The following RAB28 variants were observed in gnomAD, a reference collection of about 807,000 sequenced individuals.
The protein encoded by RAB28 is RAB28, member RAS oncogene family.
A neutral mutation model predicts 31.7 loss-of-function variants in RAB28; 24 were observed. That is an observed-to-expected ratio of 0.76 (90% CI 0.55 to 1.06). The LOEUF (loss-of-function observed/expected upper bound fraction) is 1.06. Ranked by LOEUF, RAB28 falls within the 50% of genes least tolerant of loss-of-function variation. The pLI is 0.00. For synonymous variants in RAB28, 100 were observed against 90.4 expected (o/e 1.11, Z -0.60); for missense variants, 254 against 258.5 (o/e 0.98, Z 0.12).
At chr4:13,475,423 T>C (rs1259377001) in intron 2 of RAB28, among the ~76,000 whole-genome samples, 10 of 151,038 alleles carry the variant, frequency 6.6e-5, no homozygotes, top group Admixed American at 2.6e-4. Context: ...AACTGAAAAA[T>C]GATCTCATTT....
At chr4:13,449,589 T>C (rs1184383458) in intron 4 of RAB28, among the ~76,000 whole-genome samples, 1 of 151,968 alleles carries the variant, frequency 6.6e-6, no homozygotes, top group Non-Finnish European at 1.5e-5. Context: ...CCAAGAACTA[T>C]CAATCACTGT....
chr4:13,384,579 G>A (rs750200957), intron 4 of RAB28, among the ~76,000 whole-genome samples: 1 of 152,190 alleles, frequency 6.6e-6, no homozygotes, highest in Non-Finnish European at 1.5e-5. Flanking sequence ...CAGATTTAGA[G>A]CATGCAGTCC....
At chr4:13,370,510 T>C in intron 6 of RAB28, 1 of 806,070 alleles carries the variant, frequency 1.2e-6, no homozygotes, top group Non-Finnish European at 1.5e-6. Flanking sequence ...CTAATTGCCA[T>C]ACAAGTTAAA....
At chr4:13,449,839 A>T (rs1714872705) in intron 4 of RAB28, among the ~76,000 whole-genome samples, 1 of 151,844 alleles carries the variant, frequency 6.6e-6, no homozygotes, top group Non-Finnish European at 1.5e-5. Flanking sequence ...AGAAGCTATA[A>T]ATCAGGAAGA....
rs751826833 is a variant in RAB28 at position 13,381,611 on chromosome 4, G to C, written c.392-17C>G. 1 of 1,568,684 alleles carries C rather than the reference G, an allele frequency of 6.4e-7. No homozygotes were observed. On this transcript the variant is annotated splice_polypyrimidine_tract_variant and intron_variant, in intron 4 of 6. Coordinates refer to ENST00000330852, the MANE Select transcript of RAB28 (RefSeq NM_001017979.3). The stretch of plus-strand genomic sequence containing the variant: ...CCAAATCAACTAGAAAGGTGTTAAA[G>C]AAAGAAAATAATTCAATATTAGAGT...
intron 4 of RAB28, among the ~76,000 whole-genome samples, chr4:13,414,464 A>G (rs905938156): frequency 6.6e-6 from 1 of 152,232 alleles, no homozygotes; most frequent in Non-Finnish European, 1.5e-5. Flanking sequence ...ACAGGTAGTA[A>G]AAGATCTAAC....
At chr4:13,458,052 A>G (rs754752872) in intron 4 of RAB28, among the ~76,000 whole-genome samples, 1 of 152,226 alleles carries the variant, frequency 6.6e-6, no homozygotes, top group Non-Finnish European at 1.5e-5. Flanking sequence ...TAAGCTCATC[A>G]AAACATGATT....
chr4:13,443,620 G>A lies in RAB28; in HGVS notation c.391+17079C>T, dbSNP rs180975900. ...TATGATGTTTGGCATGTGTATACTT[G>A]TAAACAATTAAATCAACCTAATTAA... is the stretch of plus-strand genomic sequence containing the variant. On this transcript the variant is annotated intron_variant, in intron 4 of 6. Coordinates refer to ENST00000330852, the MANE Select transcript of RAB28 (RefSeq NM_001017979.3). 2.0e-4 allele frequency among the ~76,000 whole-genome samples: 30 copies of A among 152,192 alleles called. No homozygotes were observed. The East Asian group carries it at 5.6e-3, about 28-fold the overall frequency.
rs548459535 is a variant in RAB28 at position 13,413,883 on chromosome 4, T to C, written c.392-32289A>G. ...TCCAAAATATAGAAGACAAGAACTA[T>C]AGCTTGCCAGCTGGCCAGCATCTAG... On this transcript the variant is annotated intron_variant, in intron 4 of 6. Transcript: ENST00000330852. 1.7e-4 allele frequency among the ~76,000 whole-genome samples: 26 copies of C among 152,296 alleles called. No individual in the cohort carries two copies. In the South Asian group the frequency reaches 4.1e-3, roughly 24 times the overall value.
At chr4:13,396,954 T>C (rs1421035148) in intron 4 of RAB28, among the ~76,000 whole-genome samples, 2 of 152,134 alleles carry the variant, frequency 1.3e-5, no homozygotes, top group East Asian at 1.9e-4. Flanking sequence ...CCTATACTTA[T>C]TTGGTTGTTT....
intron 4 of RAB28, among the ~76,000 whole-genome samples, chr4:13,389,637 C>A (rs180991324): frequency 6.6e-6 from 1 of 152,122 alleles, no homozygotes; most frequent in Non-Finnish European, 1.5e-5. Context: ...TTCATCCATA[C>A]CACCACTCTC....
At chr4:13,410,535 A>AT (rs1009655215) in intron 4 of RAB28, among the ~76,000 whole-genome samples, 13 of 152,260 alleles carry the variant, frequency 8.5e-5, no homozygotes, top group Admixed American at 2.6e-4. Flanking sequence ...GAGCTGCAAA[A>AT]AAATAAATAA....
chr4:13,373,551 A>G (rs971222778), intron 6 of RAB28, among the ~76,000 whole-genome samples: 6 of 152,290 alleles, frequency 3.9e-5, no homozygotes, highest in African/African-American at 1.4e-4. Flanking sequence ...GCCCCCTGGC[A>G]TTACACAGAC....
intron 4 of RAB28, among the ~76,000 whole-genome samples, chr4:13,384,819 T>C (rs1291007768): frequency 2.6e-5 from 4 of 152,316 alleles, no homozygotes; most frequent in Admixed American, 2.0e-4. Flanking sequence ...TTCTTTCCTC[T>C]AAATGACGGC....
chr4:13,478,855 T>G (rs892931669), intron 2 of RAB28, among the ~76,000 whole-genome samples: 1 of 151,650 alleles, frequency 6.6e-6, no homozygotes, highest in African/African-American at 2.4e-5. Flanking sequence ...TTTCTTTGCA[T>G]GGTGAAGTGA....
rs554231939 is a variant in RAB28, at chr4:13,446,224, C to A, written c.391+14475G>T. Among the ~76,000 whole-genome samples the A allele has an allele frequency of 1.2e-3, 182 of 152,314 alleles. 2 individuals are homozygous for A. Among genetic ancestry groups the A allele is most frequent in the African/African-American group, 4.2e-3 (174 of 41,570 alleles). ...GGCGGTAGCCCCTCCCCCAACCAAA[C>A]TTGGTCCTCCCAGTCCGACTCCAGA... On this transcript the variant is annotated intron_variant, in intron 4 of 6. Coordinates refer to ENST00000330852, the MANE Select transcript of RAB28 (RefSeq NM_001017979.3).
At chr4:13,395,793 A>G (rs951039148) in intron 4 of RAB28, among the ~76,000 whole-genome samples, 3 of 152,084 alleles carry the variant, frequency 2.0e-5, no homozygotes, top group Non-Finnish European at 4.4e-5. Flanking sequence ...TTTTAAGTAC[A>G]ATTTCAAAAT....
intron 4 of RAB28, among the ~76,000 whole-genome samples, chr4:13,397,509 TTAAATC>T (rs1210421265): frequency 5.9e-5 from 9 of 152,110 alleles, no homozygotes; most frequent in Non-Finnish European, 1.3e-4. Flanking sequence ...AAATTTAAAT[TTAAATC>T]TATTAACATA....
intron 6 of RAB28, among the ~76,000 whole-genome samples, chr4:13,375,753 C>T (rs577016380): frequency 6.8e-4 from 102 of 150,666 alleles, no homozygotes; most frequent in African/African-American, 2.3e-3. Flanking sequence ...CAAATATTTG[C>T]TTCAATTGTT....
Sources: allele counts gnomAD v4.1 joint callset (sites outside exome capture counted in the v4.1 genomes callset), GRCh38; gene constraint gnomAD v4.1.1; transcripts MANE v1.5; gene names NCBI Gene and HGNC (gene_info 2026-07-23, HGNC 2026-07-21).